The following TNR variants were observed in gnomAD, a reference collection of about 807,000 sequenced individuals.
TNR encodes tenascin R.
In TNR, 45 loss-of-function variants were observed where a neutral mutation model predicts 150.4. The ratio of observed to expected loss-of-function variants is 0.30; its 90% CI spans 0.24 to 0.38. The LOEUF is 0.38. Ranked by LOEUF, TNR falls within the 10% of genes least tolerant of loss-of-function variation. The probability of loss-of-function intolerance (pLI) is 1.00; values close to 1 mark genes in which losing one functional copy is unlikely to be tolerated. For missense variants in TNR, 1,544 were observed against 1,759.1 expected, an observed-to-expected ratio of 0.88 and a Z score of 2.19; for synonymous variants, 687 against 678.4, an observed-to-expected ratio of 1.01 and a Z score of -0.20.
intron 1 of TNR, among the ~76,000 whole-genome samples, chr1:175,697,218 G>C (rs1666557172): frequency 6.6e-6 from 1 of 151,924 alleles, no homozygotes; most frequent in Admixed American, 6.6e-5. Flanking sequence ...ACAAGAGCAA[G>C]GTGGGGAGGG....
intron 1 of TNR, among the ~76,000 whole-genome samples, chr1:175,601,366 A>G (rs547990291): frequency 3.3e-4 from 50 of 152,306 alleles, no homozygotes; most frequent in South Asian, 8.3e-4. Flanking sequence ...TCAATTTGAT[A>G]TATGTTTGCA....
At chr1:175,668,684 A>G (rs1170824577) in intron 1 of TNR, among the ~76,000 whole-genome samples, 1 of 152,180 alleles carries the variant, frequency 6.6e-6, no homozygotes, top group African/African-American at 2.4e-5. Context: ...TTGAACACCT[A>G]CCGTGACCGG....
At chr1:175,627,963 A>G (rs1456341248) in intron 1 of TNR, among the ~76,000 whole-genome samples, 1 of 152,222 alleles carries the variant, frequency 6.6e-6, no homozygotes, top group Non-Finnish European at 1.5e-5. Flanking sequence ...GATAGTCAGA[A>G]TGAGCCAGGA....
chr1:175,615,222 A>T (rs1464660333), intron 1 of TNR, among the ~76,000 whole-genome samples: 4 of 152,166 alleles, frequency 2.6e-5, no homozygotes, highest in Non-Finnish European at 4.4e-5. Flanking sequence ...TCTATTTTTA[A>T]CTGGTGTGTG....
chr1:175,461,646 C>G (rs1348585103), intron 2 of TNR, among the ~76,000 whole-genome samples: 2 of 152,342 alleles, frequency 1.3e-5, no homozygotes, highest in East Asian at 3.9e-4. Flanking sequence ...GAAAATCTTA[C>G]TTCTTCATAT....
chr1:175,362,705 C>T lies in TNR; in HGVS notation c.2812G>A (p.Gly938Ser), dbSNP rs1439211605. The T allele has an allele frequency of 3.7e-6, 6 of 1,614,122 alleles. No homozygotes were observed. Among genetic ancestry groups the T allele is most frequent in the East Asian group, 2.2e-5 (1 of 44,878 alleles). ...CAGATGCGCTCGCTTTCCTCCCTGC[C>T]CCGCACGCTGTTGAGGCTGATTTCG... is the stretch of plus-strand genomic sequence containing the variant. ...EYEISLNSVR[G>S]REESERICTL... Residue 938 changes from glycine to serine, a missense_variant, in exon 14 of 23, where the codon GGC becomes AGC. Physicochemically the swap from Gly to Ser is moderately conservative, Grantham distance 56. This residue lies in a region of TNR where 1,254 missense variants were observed against 1,329.4 expected (regional missense o/e 0.94). Transcript: ENST00000367674.
At chr1:175,399,771 A>C (rs1653611530) in intron 4 of TNR, among the ~76,000 whole-genome samples, 1 of 152,230 alleles carries the variant, frequency 6.6e-6, no homozygotes, top group South Asian at 2.1e-4. Flanking sequence ...AAAGAGGAAT[A>C]AACTGTGGCT....
chr1:175,520,804 C>T (rs912740255), intron 2 of TNR, among the ~76,000 whole-genome samples: 1 of 152,156 alleles, frequency 6.6e-6, no homozygotes, highest in Non-Finnish European at 1.5e-5. Flanking sequence ...TCTTTCCTAG[C>T]AGGGTGCCAT....
At chr1:175,652,608 A>C (rs904172824) in intron 1 of TNR, among the ~76,000 whole-genome samples, 2 of 152,058 alleles carry the variant, frequency 1.3e-5, no homozygotes, top group Non-Finnish European at 2.9e-5. Context: ...AATTTTCATG[A>C]GATCTGGTGG....
At chr1:175,535,947 A>AT (rs905299857) in intron 1 of TNR, among the ~76,000 whole-genome samples, 3 of 152,072 alleles carry the variant, frequency 2.0e-5, no homozygotes, top group African/African-American at 7.2e-5. Flanking sequence ...AGAAACTATA[A>AT]TTTTTCACCA....
intron 1 of TNR, among the ~76,000 whole-genome samples, chr1:175,686,704 A>G (rs146879142): frequency 6.6e-6 from 1 of 151,992 alleles, no homozygotes; most frequent in African/African-American, 2.4e-5. Flanking sequence ...ATTTGTACCC[A>G]TTGTTTAGTT....
Position 175,406,358 on chromosome 1 carries a change from G to A in TNR, c.357C>T (p.Asn119=). The change falls in exon 3 of 23, where the codon AAC becomes AAT. Residue 119 remains asparagine, a synonymous_variant. Transcript: ENST00000367674. ...ESQVTFTHRI[N]FPKKACPCAS... ...CACATGGACAGGCCTTTTTGGGGAA[G>A]TTGATCCTGTGTGTAAAGGTGACCT... The A allele has an allele frequency of 6.2e-7, 1 of 1,614,156 alleles. No individual in the cohort carries two copies. Among genetic ancestry groups the A allele is most frequent in the South Asian group, 1.1e-5 (1 of 91,066 alleles).
At chr1:175,434,998 G>T (rs1316079324) in intron 2 of TNR, among the ~76,000 whole-genome samples, 1 of 152,114 alleles carries the variant, frequency 6.6e-6, no homozygotes, top group African/African-American at 2.4e-5. Context: ...ACGTTGCCTT[G>T]GTAATATATT....
In TNR at chr1:175,686,071, A is replaced by G. The variant is rs57271398; in HGVS notation, c.-165+57155T>C. On this transcript the variant is annotated intron_variant, in intron 1 of 22. Coordinates refer to ENST00000367674, the MANE Select transcript of TNR (RefSeq NM_003285.3). The stretch of plus-strand genomic sequence containing the variant: ...CGCACACACGCACACACACACACAC[A>G]GAGTGTTTTTCAATAAGAAGGAAAA... Among the ~76,000 whole-genome samples, 1,436 of 152,216 alleles carry G rather than the reference A, an allele frequency of 9.4e-3. 29 individuals carry two copies. The highest frequency in any genetic ancestry group is 0.03 in the African/African-American group (1,253 of 41,526).
intron 1 of TNR, among the ~76,000 whole-genome samples, chr1:175,625,273 A>G (rs1052432101): frequency 6.6e-6 from 1 of 152,226 alleles, no homozygotes; most frequent in Non-Finnish European, 1.5e-5. Context: ...TTTCTGTAAA[A>G]TATCCCTTCC....
At chr1:175,373,049 A>G (rs542584294) in intron 9 of TNR, among the ~76,000 whole-genome samples, 2 of 152,218 alleles carry the variant, frequency 1.3e-5, no homozygotes, top group Admixed American at 6.5e-5. Flanking sequence ...TTTTTTCAGT[A>G]TGTAGTATAG....
intron 1 of TNR, among the ~76,000 whole-genome samples, chr1:175,675,839 G>A (rs1665848200): frequency 6.6e-6 from 1 of 152,110 alleles, no homozygotes; most frequent in East Asian, 1.9e-4. Flanking sequence ...GTGGGGAGGG[G>A]GCTTCTGGGA....
At chr1:175,666,263 C>A (rs1197963801) in intron 1 of TNR, among the ~76,000 whole-genome samples, 2 of 152,178 alleles carry the variant, frequency 1.3e-5, no homozygotes, top group African/African-American at 4.8e-5. Flanking sequence ...CATTGCCTGG[C>A]TTTATCTCTC....
chr1:175,425,497 G>C (rs1654930069), intron 2 of TNR, among the ~76,000 whole-genome samples: 2 of 152,202 alleles, frequency 1.3e-5, no homozygotes, highest in Admixed American at 1.3e-4. Context: ...AGGTGAATGA[G>C]CTCTTACCAT....
Sources: gnomAD v4.1 joint callset for allele counts (sites outside exome capture counted in the v4.1 genomes callset) on GRCh38, gnomAD v4.1.1 for gene constraint, gnomAD v4.1.1 regional missense constraint, MANE v1.5 for transcripts, NCBI Gene and HGNC (gene_info 2026-07-23, HGNC 2026-07-21) for gene names.